PHLDB2: variants seen among roughly 807,000 people sequenced by gnomAD.
PHLDB2 encodes pleckstrin homology like domain family B member 2, also known as pleckstrin homology-like domain family B member 2.
PHLDB2 carries 71 observed loss-of-function variants against 123.6 expected under a neutral mutation model. The observed-to-expected ratio is 0.57, with a 90% CI of 0.47 to 0.70. The LOEUF (loss-of-function observed/expected upper bound fraction) is 0.70. Among genes scored for constraint, PHLDB2 ranks in the 30% least tolerant of loss-of-function variants. The pLI is 0.00. For missense variants in PHLDB2, 1,446 were observed against 1,519.5 expected, an observed-to-expected ratio of 0.95 and a Z score of 0.80; for synonymous variants, 547 against 541.6, an observed-to-expected ratio of 1.01 and a Z score of -0.14.
rs2072470413 is a variant in PHLDB2, at chr3:111,976,080, A to G, written c.*1517A>G. 1 of 152,692 alleles carries G rather than the reference A, an allele frequency of 6.5e-6. No individual in the cohort carries two copies. The highest frequency in any genetic ancestry group is 2.4e-5 in the African/African-American group (1 of 41,474). 9.5% of individuals were successfully genotyped at this position (152,692 alleles called of 1,614,324 possible). A position where few individuals can be genotyped will look rare whatever the true frequency, so the allele number is the denominator to read the frequency against. On this transcript the variant is annotated 3_prime_UTR_variant, in exon 18 of 18. Transcript: ENST00000431670. Reference sequence around the variant, plus strand: ...CTTTTAAACCCTGTAGTGATGTAAGACTAAAATATAATTGCTAAGATTTTG... The same window carrying G: ...CTTTTAAACCCTGTAGTGATGTAAGGCTAAAATATAATTGCTAAGATTTTG...
At position 111,919,611 on chromosome 3, in the gene PHLDB2, A is replaced by G. The variant is rs888238131; in HGVS notation, c.1863+396A>G. On this transcript the variant is annotated intron_variant, in intron 4 of 17. Coordinates refer to ENST00000431670, the MANE Select transcript of PHLDB2 (RefSeq NM_001134438.2). Reference sequence around the variant, plus strand: ...AGTTGGATATCACATTGGCACCATGATGAAATTCACACACGGATCAAAAAT... The same window carrying G: ...AGTTGGATATCACATTGGCACCATGGTGAAATTCACACACGGATCAAAAAT... 2.0e-5 allele frequency among the ~76,000 whole-genome samples: 3 copies of G among 152,232 alleles called. No homozygotes were observed. In the East Asian group the frequency reaches 5.8e-4, roughly 29 times the overall value.
At chr3:111,891,369 T>G (rs545833703) in intron 2 of PHLDB2, among the ~76,000 whole-genome samples, 1 of 152,054 alleles carries the variant, frequency 6.6e-6, no homozygotes, top group Non-Finnish European at 1.5e-5. Flanking sequence ...AGTGGTGGCA[T>G]TGGATTTTCA....
chr3:111,958,468 AC>A, intron 12 of PHLDB2, among the ~76,000 whole-genome samples: 1 of 152,306 alleles, frequency 6.6e-6, no homozygotes. Context: ...GTAATCGTTA[AC>A]TCACAAGAGA....
chr3:111,910,952 G>A (rs576177771), intron 2 of PHLDB2, among the ~76,000 whole-genome samples: 249 of 152,366 alleles, frequency 1.6e-3, no homozygotes, highest in Middle Eastern at 6.8e-3. Context: ...CAGATTGGCT[G>A]TGAATGGGGT....
At chr3:111,770,870 C>T (rs2060164754) in intron 1 of PHLDB2, among the ~76,000 whole-genome samples, 1 of 152,122 alleles carries the variant, frequency 6.6e-6, no homozygotes, top group Non-Finnish European at 1.5e-5. Context: ...AGGATCTGAC[C>T]ACCTGCAGAG....
intron 1 of PHLDB2, among the ~76,000 whole-genome samples, chr3:111,767,618 T>C (rs2060104839): frequency 6.6e-6 from 1 of 152,218 alleles, no homozygotes; most frequent in South Asian, 2.1e-4. Flanking sequence ...CATTTAGCTA[T>C]GAAATTAAAT....
chr3:111,856,248 C>T (rs993753826), upstream of PHLDB2, among the ~76,000 whole-genome samples: 1 of 152,134 alleles, frequency 6.6e-6, no homozygotes, highest in Non-Finnish European at 1.5e-5. Flanking sequence ...TACTTTTTGT[C>T]TAGTAATTTG....
rs774730274 is a variant in PHLDB2 at position 111,859,985 on chromosome 3, G to A, written c.-15+409G>A. The A allele has an allele frequency of 1.8e-3, 1,561 of 850,940 alleles. 2 individuals are homozygous for A. Among genetic ancestry groups the A allele is most frequent in the Non-Finnish European group, 2.1e-3 (1,477 of 707,190 alleles). The allele number at this position is 850,940 out of a possible 1,614,324, so 52.7% of individuals were successfully genotyped here. The stretch of plus-strand genomic sequence containing the variant: ...CCCAGGCTGCGCAGCTGGGTGGGTG[G>A]GGGTGGCGAACCCCGTTGTGCATGA... On this transcript the variant is annotated intron_variant, in intron 1 of 17. Coordinates refer to ENST00000431670, the MANE Select transcript of PHLDB2 (RefSeq NM_001134438.2).
At chr3:111,848,613 T>G (rs996365327) in intron 2 of PHLDB2, among the ~76,000 whole-genome samples, 9 of 152,256 alleles carry the variant, frequency 5.9e-5, no homozygotes, top group African/African-American at 1.9e-4. Context: ...CCAACAGACT[T>G]GGGGTGTGGG....
At chr3:111,866,013 C>CTTTTTTTTTTTTTTTTTTTTT (rs1239058039) in intron 1 of PHLDB2, among the ~76,000 whole-genome samples, 1 of 47,672 alleles carries the variant, frequency 2.1e-5, no homozygotes, top group African/African-American at 6.3e-5. Flanking sequence ...CCCACCCACT[C>CTTTTTTTTTTTTTTTTTTTTT]ATTTTTTTTT....
At chr3:111,734,914 G>A (rs1343166244) in intron 1 of PHLDB2, among the ~76,000 whole-genome samples, 3 of 152,148 alleles carry the variant, frequency 2.0e-5, no homozygotes, top group Non-Finnish European at 4.4e-5. Flanking sequence ...GTAACAAAAA[G>A]GCCAGTAGTG....
chr3:111,932,341 C>T lies in PHLDB2; in HGVS notation c.2074C>T (p.Gln692Ter). The T allele has an allele frequency of 1.3e-6, 2 of 1,551,710 alleles. No homozygotes were observed. Among genetic ancestry groups the T allele is most frequent in the Non-Finnish European group, 1.7e-6 (2 of 1,146,828 alleles). ...GGAGCTTTACTCCGAGCAGAAGACC[C>T]AGCTGGACAATTGTCCTGAGTCCAT... Reference protein sequence around the residue: ...LQELYSEQKTQLDNCPESMRE... With the variant: ...LQELYSEQKT The change falls in exon 6 of 18, where the codon CAG becomes TAG. Residue 692 changes from glutamine (Q) to a stop codon, truncating the protein, a stop_gained. Transcript: ENST00000431670. LOFTEE classifies it high-confidence loss of function.
chr3:111,880,205 A>G (rs2065867942), intron 1 of PHLDB2, among the ~76,000 whole-genome samples: 1 of 151,910 alleles, frequency 6.6e-6, no homozygotes, highest in Non-Finnish European at 1.5e-5. Flanking sequence ...TTTTCTCCCT[A>G]TCAGCGTTCT....
At chr3:111,850,296 G>C (rs952033517) in intron 2 of PHLDB2, among the ~76,000 whole-genome samples, 1 of 152,140 alleles carries the variant, frequency 6.6e-6, no homozygotes, top group South Asian at 2.1e-4. Flanking sequence ...AAACTCAAAG[G>C]GAGAAGGTGA....
intron 1 of PHLDB2, among the ~76,000 whole-genome samples, chr3:111,796,927 A>G (rs2061184436): frequency 6.6e-6 from 1 of 152,256 alleles, no homozygotes; most frequent in Non-Finnish European, 1.5e-5. Context: ...TAAGCCTTCT[A>G]GTGTTATTCC....
At chr3:111,901,114 A>G (rs7621455) in intron 2 of PHLDB2, among the ~76,000 whole-genome samples, 73,399 of 151,858 alleles carry the variant, frequency 0.48, 18,319 homozygotes, top group East Asian at 0.66. Context: ...CATCCTAGCA[A>G]TTTGGGAGGC....
At chr3:111,820,378 G>A (rs1486753262) in intron 1 of PHLDB2, among the ~76,000 whole-genome samples, 1 of 152,128 alleles carries the variant, frequency 6.6e-6, no homozygotes, top group Non-Finnish European at 1.5e-5. Flanking sequence ...AAACAAAATT[G>A]AAGTTTAGAA....
At chr3:111,851,729 G>A (rs2108607972) in intron 2 of PHLDB2, among the ~76,000 whole-genome samples, 1 of 152,208 alleles carries the variant, frequency 6.6e-6, no homozygotes, top group East Asian at 1.9e-4. Flanking sequence ...TGCAAGTTTA[G>A]AGTAAGGAAA....
At chr3:111,760,372 TA>T (rs1022009986) in intron 1 of PHLDB2, among the ~76,000 whole-genome samples, 1 of 152,028 alleles carries the variant, frequency 6.6e-6, no homozygotes, top group South Asian at 2.1e-4. Flanking sequence ...TTTGTTGAGA[TA>T]AAAAAAATTG....
Sources: allele counts gnomAD v4.1 joint callset (sites outside exome capture counted in the v4.1 genomes callset), GRCh38; gene constraint gnomAD v4.1.1; transcripts MANE v1.5; gene names NCBI Gene and HGNC (gene_info 2026-07-23, HGNC 2026-07-21).